GALNT6: variants seen among roughly 807,000 people sequenced by gnomAD.
GALNT6 encodes polypeptide N-acetylgalactosaminyltransferase 6, also known as GalNAc transferase 6.
GALNT6 carries 51 observed loss-of-function variants against 65.9 expected under a neutral mutation model. The observed-to-expected ratio is 0.77, with a 90% CI of 0.62 to 0.98. GALNT6 has a LOEUF of 0.98. GALNT6 is among the 50% of genes least tolerant of loss of function. GALNT6 has a pLI of 0.00. For missense variants in GALNT6, 708 were observed against 803.3 expected (o/e 0.88, Z 1.43); for synonymous variants, 323 against 315.1 (o/e 1.02, Z -0.26).
intron 4 of GALNT6, among the ~76,000 whole-genome samples, chr12:51,368,192 C>T (rs980671155): frequency 6.6e-6 from 1 of 151,436 alleles, no homozygotes; most frequent in African/African-American, 2.4e-5. Context: ...ACTTAATGCA[C>T]CCGAGTTTCA....
At chr12:51,361,461 G>T (rs1332524613) in intron 6 of GALNT6, among the ~76,000 whole-genome samples, 3 of 152,204 alleles carry the variant, frequency 2.0e-5, no homozygotes, top group African/African-American at 4.8e-5. Context: ...GTTGCCAGTT[G>T]CTTTTAACAG....
At chr12:51,370,876 AG>A (rs974100929) in intron 4 of GALNT6, among the ~76,000 whole-genome samples, 1 of 151,976 alleles carries the variant, frequency 6.6e-6, no homozygotes, top group Non-Finnish European at 1.5e-5. Flanking sequence ...GAAAAAAAAA[AG>A]TTCCGGAGAT....
At chr12:51,360,940 C>T (rs972863986) in intron 6 of GALNT6, 102 bp from the exon 7 acceptor site, 4 of 674,164 alleles carry the variant, frequency 5.9e-6, no homozygotes, top group Admixed American at 4.6e-5. Flanking sequence ...CCACCTCCCC[C>T]TCCTTTCCTC....
In GALNT6 at chr12:51,365,341, G is replaced by A. The variant is rs374644759; in HGVS notation, c.814+89C>T. ...CCTTCACTCCCGGAAGAGAGAACAG[G>A]AAGGGGCCTTGGGGAGGCTGTGGCC... On this transcript the variant is annotated intron_variant, in intron 5 of 11. Transcript: ENST00000356317. 2.1e-3 allele frequency: 2,647 copies of A among 1,278,854 alleles called. 31 individuals carry two copies. The highest frequency in any genetic ancestry group is 0.019 in the South Asian group (1,329 of 68,260). 79.2% of individuals were successfully genotyped at this position (1,278,854 alleles called of 1,614,324 possible). A position where few individuals can be genotyped will look rare whatever the true frequency, so the allele number is the denominator to read the frequency against.
intron 8 of GALNT6, 32 bp downstream of exon 8, chr12:51,359,100 T>C: frequency 1.3e-6 from 2 of 1,570,344 alleles, no homozygotes; most frequent in Non-Finnish European, 1.8e-6. Flanking sequence ...CTTCTCTTCA[T>C]CTAAACCTCT....
In GALNT6 at chr12:51,379,586, C is replaced by T. The variant is rs370950345; in HGVS notation, c.196G>A (p.Asp66Asn). The T allele has an allele frequency of 2.5e-6, 4 of 1,614,020 alleles. No homozygotes were observed. In the African/African-American group the frequency reaches 4.0e-5, roughly 16 times the overall value. The change falls in exon 3 of 12, where the codon GAT (aspartate) becomes AAT (asparagine). Residue 66 changes from aspartate to asparagine, a missense_variant. Physicochemically the swap from Asp to Asn is conservative, Grantham distance 23. Coordinates refer to ENST00000356317, the MANE Select transcript of GALNT6 (RefSeq NM_007210.4). ...CTGATTTGGAGCTTGGGCATTGAAT[C>T]TCTAAGGTTGTTCATGGCCTCCAGC... ...LMLEAMNNLR[D>N]SMPKLQIRAP...
chr12:51,377,058 C>T (rs898199980), intron 4 of GALNT6, 137 bp downstream of exon 4: 6 of 700,836 alleles, frequency 8.6e-6, no homozygotes, highest in Non-Finnish European at 1.5e-5. Context: ...TCTTCCTGCT[C>T]CTGGCCTTTA....
chr12:51,366,677 G>T (rs978557688), intron 4 of GALNT6, among the ~76,000 whole-genome samples: 1 of 152,174 alleles, frequency 6.6e-6, no homozygotes, highest in Non-Finnish European at 1.5e-5. Flanking sequence ...TAGTGCTGGG[G>T]TGTGGGTCCC....
intron 10 of GALNT6, 109 bp from the exon 11 acceptor site, chr12:51,356,067 T>A (rs1946735095): frequency 3.2e-6 from 3 of 942,252 alleles, no homozygotes; most frequent in Non-Finnish European, 5.0e-6. Flanking sequence ...AGAGTGAATG[T>A]GAGGCCATGC....
At chr12:51,367,095 C>A (rs1947132614) in intron 4 of GALNT6, among the ~76,000 whole-genome samples, 1 of 152,172 alleles carries the variant, frequency 6.6e-6, no homozygotes, top group African/African-American at 2.4e-5. Context: ...GAAACCCTGT[C>A]TCTACTGAAA....
At position 51,379,357 on chromosome 12, in the gene GALNT6, A is replaced by T. The variant is rs923345055; in HGVS notation, c.425T>A (p.Phe142Tyr). 8.4e-6 allele frequency: 13 copies of T among 1,555,222 alleles called. No individual in the cohort carries two copies. Among genetic ancestry groups the T allele is most frequent in the Non-Finnish European group, 1.1e-5 (13 of 1,154,934 alleles). The part of the protein sequence containing the change: ...EKEEGYKKHC[F>Y]NAFASDRISL... The stretch of plus-strand genomic sequence containing the variant: ...GATCCGGTCGCTGGCAAAGGCATTG[A>T]AACAGTGCTTCTTATAGCCTTCTTC... Residue 142 changes from phenylalanine to tyrosine, a missense_variant, in exon 3 of 12, where the codon TTC (phenylalanine) becomes TAC (tyrosine). Physicochemically the swap from Phe to Tyr is conservative, Grantham distance 22 (BLOSUM62 3). Coordinates refer to ENST00000356317, the MANE Select transcript of GALNT6 (RefSeq NM_007210.4).
Position 51,357,463 on chromosome 12 carries a change from G to A in GALNT6, c.1501-13C>T, listed in dbSNP as rs1181382899. 6.3e-7 allele frequency: 1 copy of A among 1,590,036 alleles called. No individual in the cohort carries two copies. Among genetic ancestry groups the A allele is most frequent in the African/African-American group, 1.3e-5 (1 of 74,566 alleles). ...CGAGGTTCTTGATCTGCAGAAGGGT[G>A]AGCAGAGAGGGGAAGCAGGATGGCA... On this transcript the variant is annotated splice_polypyrimidine_tract_variant and intron_variant, in intron 9 of 11. Transcript: ENST00000356317.
intron 4 of GALNT6, among the ~76,000 whole-genome samples, chr12:51,371,657 T>C (rs887507654): frequency 1.3e-5 from 2 of 152,102 alleles, no homozygotes; most frequent in Non-Finnish European, 2.9e-5. Context: ...GAACCCTGGC[T>C]GCTGACCTAG....
intron 4 of GALNT6, among the ~76,000 whole-genome samples, chr12:51,367,123 C>A (rs1209733414): frequency 2.6e-5 from 4 of 152,084 alleles, no homozygotes; most frequent in African/African-American, 9.7e-5. Context: ...ATTAGCTGGG[C>A]ACGCATGCTT....
intron 6 of GALNT6, among the ~76,000 whole-genome samples, chr12:51,362,069 T>A (rs545582027): frequency 1.6e-3 from 243 of 152,208 alleles, no homozygotes; most frequent in African/African-American, 5.7e-3. Context: ...TGGCTTCCTA[T>A]CACTTTGGAA....
intron 6 of GALNT6, among the ~76,000 whole-genome samples, chr12:51,361,657 G>A (rs565345434): frequency 3.3e-5 from 5 of 152,276 alleles, no homozygotes; most frequent in African/African-American, 9.6e-5. Flanking sequence ...TAGATACCAG[G>A]TTGCTTCGAA....
intron 4 of GALNT6, among the ~76,000 whole-genome samples, chr12:51,373,298 CAT>C (rs1947346665): frequency 6.6e-6 from 1 of 152,178 alleles, no homozygotes; most frequent in South Asian, 2.1e-4. Context: ...ATAATCCCCA[CAT>C]GTGATGGAAG....
rs1395362173 is a variant in GALNT6, at chr12:51,364,101, C to T, written c.1049+20G>A. On this transcript the variant is annotated intron_variant, in intron 6 of 11. Transcript: ENST00000356317. ...TAGGACTGGGGCCAGGTTGGGGGCT[C>T]ACCAGGCTGCGGTCCTTACTTGATG... The T allele has an allele frequency of 6.4e-7, 1 of 1,562,384 alleles. No individual in the cohort carries two copies.
chr12:51,357,866 G>GC (rs1022994355), intron 9 of GALNT6, among the ~76,000 whole-genome samples: 1 of 152,198 alleles, frequency 6.6e-6, no homozygotes, highest in Admixed American at 6.5e-5. Flanking sequence ...CTGGGGATGG[G>GC]CCCTAGCGTT....
Sources: allele counts gnomAD v4.1 joint callset (sites outside exome capture counted in the v4.1 genomes callset), GRCh38; gene constraint gnomAD v4.1.1; transcripts MANE v1.5; gene names NCBI Gene and HGNC (gene_info 2026-07-23, HGNC 2026-07-21).